Variants in SHOC1 observed in about 807,000 individuals in gnomAD.
The protein encoded by SHOC1 is protein shortage in chiasmata 1 ortholog.
A neutral mutation model predicts 179.2 loss-of-function variants in SHOC1; 136 were observed. That is an observed-to-expected ratio of 0.76 (90% CI 0.66 to 0.87). The LOEUF (loss-of-function observed/expected upper bound fraction) is 0.87. Ranked by LOEUF, SHOC1 falls within the 40% of genes least tolerant of loss-of-function variation. The pLI, the probability that SHOC1 is intolerant of heterozygous loss-of-function variation, is 0.00. For missense variants in SHOC1, 1,538 were observed against 1,700.8 expected (o/e 0.90, Z 1.68); for synonymous variants, 489 against 586.6 (o/e 0.83, Z 2.41).
intron 15 of SHOC1, among the ~76,000 whole-genome samples, chr9:111,722,081 T>C (rs1190280567): frequency 1.3e-5 from 2 of 152,264 alleles, no homozygotes; most frequent in Non-Finnish European, 2.9e-5. Context: ...TTAATTAATC[T>C]AGTTTTTGAC....
chr9:111,741,388 T>G (rs1834029779), intron 11 of SHOC1, 88 bp downstream of exon 11: 2 of 727,992 alleles, frequency 2.7e-6, no homozygotes, highest in Non-Finnish European at 4.7e-6. Flanking sequence ...TAAGAAATGG[T>G]CAAAGAAAAA....
chr9:111,724,459 C>A (rs1221446485), intron 13 of SHOC1, among the ~76,000 whole-genome samples: 1 of 152,040 alleles, frequency 6.6e-6, no homozygotes, highest in Non-Finnish European at 1.5e-5. Context: ...CCCACCTCAG[C>A]CTCCCAAGTA....
intron 12 of SHOC1, among the ~76,000 whole-genome samples, chr9:111,733,736 C>T (rs186066687): frequency 4.6e-4 from 70 of 152,004 alleles, no homozygotes; most frequent in Non-Finnish European, 7.5e-4. Context: ...GGCACGGTGG[C>T]GCGTGGCTGT....
intron 23 of SHOC1, 94 bp from the exon 24 acceptor site, chr9:111,700,141 T>C (rs777571492): frequency 1.2e-5 from 9 of 729,530 alleles, no homozygotes; most frequent in African/African-American, 1.8e-5. Context: ...ATAATATTTT[T>C]AGAATAACCT....
In SHOC1 at chr9:111,691,692, C is replaced by G; in HGVS notation, c.4285G>C (p.Asp1429His). 6.2e-7 allele frequency: 1 copy of G among 1,613,926 alleles called. No individual in the cohort carries two copies. The highest frequency in any genetic ancestry group is 1.1e-5 in the South Asian group (1 of 91,066). The change falls in exon 27 of 28, where the codon GAT becomes CAT. Residue 1429 changes from aspartate to histidine, a missense_variant. By Grantham distance (81) the Asp-to-His change is moderately conservative. Coordinates refer to ENST00000682961, the MANE Select transcript of SHOC1 (RefSeq NM_001378211.1). ...TTAGAATCAGAAGCACGAAATAAAT[C>G]CAAACTGGGGACAGATGGTAATTCT... is the stretch of plus-strand genomic sequence containing the variant. ...WRELPSVPSL[D>H]LFRASDSNAN...
At chr9:111,695,552 C>T (rs918767716) in intron 24 of SHOC1, among the ~76,000 whole-genome samples, 3 of 152,056 alleles carry the variant, frequency 2.0e-5, no homozygotes, top group Non-Finnish European at 4.4e-5. Flanking sequence ...CATAAACACG[C>T]TCTTTGAGGC....
chr9:111,720,837 G>GTAATATGTTTTC (rs1833008201), intron 15 of SHOC1, among the ~76,000 whole-genome samples: 1 of 152,158 alleles, frequency 6.6e-6, no homozygotes, highest in Non-Finnish European at 1.5e-5. Context: ...CAAACATACA[G>GTAATATGTTTTC]AAAACAGTAA....
chr9:111,741,036 C>T (rs577176770), intron 11 of SHOC1, among the ~76,000 whole-genome samples: 1 of 152,298 alleles, frequency 6.6e-6, no homozygotes, highest in Admixed American at 6.5e-5. Flanking sequence ...ACTAAAGGTG[C>T]GCTCCGACAC....
chr9:111,746,913 CAT>C (rs1241965833), intron 9 of SHOC1, among the ~76,000 whole-genome samples: 1 of 152,028 alleles, frequency 6.6e-6, no homozygotes, highest in Non-Finnish European at 1.5e-5. Flanking sequence ...CTGTGTTTAA[CAT>C]AAATTCCAAG....
intron 5 of SHOC1, among the ~76,000 whole-genome samples, chr9:111,772,459 T>C (rs1018705925): frequency 6.6e-6 from 1 of 152,202 alleles, no homozygotes; most frequent in Non-Finnish European, 1.5e-5. Flanking sequence ...CACATTTCCC[T>C]ATTCAGTGTT....
rs540395466 is a variant in SHOC1 at position 111,699,115 on chromosome 9, A to G, written c.3183+839T>C. Among the ~76,000 whole-genome samples the G allele has an allele frequency of 3.3e-4, 51 of 152,288 alleles. 2 individuals carry two copies. The East Asian group carries it at 9.2e-3, about 28-fold the overall frequency. On this transcript the variant is annotated intron_variant, in intron 24 of 27. Coordinates refer to ENST00000682961, the MANE Select transcript of SHOC1 (RefSeq NM_001378211.1). ...GGTGTCTATATGTGATGAAGTGGGG[A>G]AAGAGTAGAAAAGGGATATTAGTTA...
At chr9:111,784,782 C>T (rs937511712) in intron 3 of SHOC1, among the ~76,000 whole-genome samples, 2 of 152,148 alleles carry the variant, frequency 1.3e-5, no homozygotes, top group African/African-American at 4.8e-5. Context: ...GGGCCCACTT[C>T]CTGGTTCATG....
intron 4 of SHOC1, among the ~76,000 whole-genome samples, chr9:111,778,309 G>C (rs1835904245): frequency 6.6e-6 from 1 of 151,918 alleles, no homozygotes; most frequent in South Asian, 2.1e-4. Context: ...TCATTCATTT[G>C]CAAACTTAAC....
intron 27 of SHOC1, among the ~76,000 whole-genome samples, chr9:111,691,226 C>A (rs1010159828): frequency 6.6e-6 from 1 of 152,176 alleles, no homozygotes; most frequent in African/African-American, 2.4e-5. Flanking sequence ...AATATACCTG[C>A]TCCACAAAGA....
intron 12 of SHOC1, among the ~76,000 whole-genome samples, chr9:111,737,589 G>A (rs1589425942): frequency 6.6e-6 from 1 of 152,044 alleles, no homozygotes; most frequent in East Asian, 1.9e-4. Flanking sequence ...GAACCCGGGA[G>A]GTGGAGGTTG....
In SHOC1 at chr9:111,756,122, C is replaced by T. The variant is rs112243561; in HGVS notation, c.862+203G>A. ...GGGCAACAAGAGCGAAATTTTGTCT[C>T]GACAACAACAACAACAACAACAACA... On this transcript the variant is annotated intron_variant, in intron 8 of 27. Transcript: ENST00000682961. Among the ~76,000 whole-genome samples, 818 of 150,798 alleles carry T rather than the reference C, an allele frequency of 5.4e-3. 6 individuals are homozygous for T. The highest frequency in any genetic ancestry group is 0.019 in the African/African-American group (771 of 40,422).
rs756300119 is a variant in SHOC1, at chr9:111,691,672, A to G, written c.4305T>C (p.Asp1435=). The G allele has an allele frequency of 2.5e-6, 4 of 1,614,030 alleles. No individual in the cohort carries two copies. In the South Asian group the frequency reaches 3.3e-5, roughly 13 times the overall value. Residue 1435 remains aspartate, a synonymous_variant, in exon 27 of 28, where the codon GAT becomes GAC. Transcript: ENST00000682961. The part of the protein sequence containing the change: ...VPSLDLFRAS[D]SNANQKEFNS... ...TGAATTCTTTTTGATTTGCATTAGA[A>G]TCAGAAGCACGAAATAAATCCAAAC...
At chr9:111,725,115 G>A (rs1833238282) in intron 13 of SHOC1, among the ~76,000 whole-genome samples, 1 of 151,836 alleles carries the variant, frequency 6.6e-6, no homozygotes, top group Non-Finnish European at 1.5e-5. Flanking sequence ...TACATACATG[G>A]TTAAAAATAT....
chr9:111,762,015 C>T (rs1270174799), intron 5 of SHOC1, among the ~76,000 whole-genome samples: 1 of 151,710 alleles, frequency 6.6e-6, no homozygotes, highest in African/African-American at 2.4e-5. Context: ...GGAATTCATG[C>T]CAAGGAAATA....
Sources: allele counts gnomAD v4.1 joint callset (sites outside exome capture counted in the v4.1 genomes callset), GRCh38; gene constraint gnomAD v4.1.1; transcripts MANE v1.5; gene names NCBI Gene and HGNC (gene_info 2026-07-23, HGNC 2026-07-21).